The following CCDC60 variants were observed in gnomAD, a reference collection of about 807,000 sequenced individuals.
CCDC60 encodes coiled-coil domain-containing protein 60.
CCDC60 carries 54 observed loss-of-function variants against 63.5 expected under a neutral mutation model. The observed-to-expected ratio is 0.85, with a 90% CI of 0.68 to 1.07. The LOEUF (loss-of-function observed/expected upper bound fraction) is 1.07. Among genes scored for constraint, CCDC60 ranks in the 50% least tolerant of loss-of-function variants. CCDC60 has a pLI of 0.00. For missense variants in CCDC60, 651 were observed against 684.3 expected, an observed-to-expected ratio of 0.95 and a Z score of 0.54; for synonymous variants, 206 against 238.8, an observed-to-expected ratio of 0.86 and a Z score of 1.27.
At position 119,377,314 on chromosome 12, in the gene CCDC60, C is replaced by T. The variant is rs149403011; in HGVS notation, c.90+42048C>T. Among the ~76,000 whole-genome samples, 653 of 147,592 alleles carry T rather than the reference C, an allele frequency of 4.4e-3. 4 individuals carry two copies. Among genetic ancestry groups the T allele is most frequent in the African/African-American group, 0.015 (589 of 40,342 alleles). The stretch of plus-strand genomic sequence containing the variant: ...AGAAAGAAAAAATTCCAACCCAAGT[C>T]TCAAGAGACGGAGAAGTAAAATAAG... On this transcript the variant is annotated intron_variant, in intron 1 of 13. Transcript: ENST00000327554.
chr12:119,344,851 T>TCACACA (rs1284956237), intron 1 of CCDC60, among the ~76,000 whole-genome samples: 7 of 107,646 alleles, frequency 6.5e-5, no homozygotes, highest in Admixed American at 1.2e-4. Flanking sequence ...TCTCTCTCTC[T>TCACACA]CTCTCACACA....
At chr12:119,391,000 G>A (rs1393829184) in intron 1 of CCDC60, among the ~76,000 whole-genome samples, 2 of 152,212 alleles carry the variant, frequency 1.3e-5, no homozygotes, top group Non-Finnish European at 2.9e-5. Flanking sequence ...AGGATTTTGT[G>A]TGATGCCATT....
chr12:119,401,647 T>G (rs1051335799), intron 1 of CCDC60, among the ~76,000 whole-genome samples: 2 of 152,232 alleles, frequency 1.3e-5, no homozygotes, highest in Non-Finnish European at 2.9e-5. Context: ...TCAGATAGAT[T>G]TATCCACTTT....
chr12:119,371,356 T>C (rs536277431), intron 1 of CCDC60, among the ~76,000 whole-genome samples: 1 of 152,268 alleles, frequency 6.6e-6, no homozygotes, highest in South Asian at 2.1e-4. Flanking sequence ...ACTTCAGGGA[T>C]TTTTCTCCAG....
At chr12:119,502,366 C>A (rs1305846140) in intron 6 of CCDC60, among the ~76,000 whole-genome samples, 1 of 152,184 alleles carries the variant, frequency 6.6e-6, no homozygotes, top group Non-Finnish European at 1.5e-5. Flanking sequence ...GTGTAAGGAA[C>A]CTTTCAGCAA....
Position 119,523,785 on chromosome 12 carries a change from T to A in CCDC60, c.1196T>A (p.Phe399Tyr). Residue 399 changes from phenylalanine to tyrosine, a missense_variant, in exon 11 of 14, where the codon TTC (phenylalanine) becomes TAC (tyrosine). Coordinates refer to ENST00000327554, the MANE Select transcript of CCDC60 (RefSeq NM_178499.5). ...KFYSVAQEAGFCLQDKMEILM... is the reference protein window; with the variant it reads ...KFYSVAQEAGYCLQDKMEILM... ...TACAGCGTAGCCCAGGAGGCTGGCT[T>A]CTGCCTGCAGGACAAGATGGAAATC... 1 of 1,614,200 alleles carries A rather than the reference T, an allele frequency of 6.2e-7. No individual in the cohort carries two copies. The highest frequency in any genetic ancestry group is 8.5e-7 in the Non-Finnish European group (1 of 1,180,006).
At chr12:119,505,817 T>G (rs937996025) in intron 7 of CCDC60, among the ~76,000 whole-genome samples, 1 of 152,200 alleles carries the variant, frequency 6.6e-6, no homozygotes, top group African/African-American at 2.4e-5. Context: ...ATCATGCCAC[T>G]GCACTCCAGC....
In CCDC60 at chr12:119,530,999, T is replaced by G; in HGVS notation, c.1487T>G (p.Leu496Arg). Residue 496 changes from leucine (L) to arginine (R), a missense_variant, in exon 13 of 14, where the codon CTG becomes CGG. By Grantham distance (102) the Leu-to-Arg change is moderately radical. Transcript: ENST00000327554. ...LDLRIRPHVL[L>R]KVLQDLRIWE... is the part of the protein sequence containing the mutation. The stretch of plus-strand genomic sequence containing the variant: ...TTGCGGATTCGACCCCATGTCCTCC[T>G]GAAGGTGCTGCAGGATCTGAGGATT... 3 of 1,614,188 alleles carry G rather than the reference T, an allele frequency of 1.9e-6. No homozygotes were observed. The highest frequency in any genetic ancestry group is 2.5e-6 in the Non-Finnish European group (3 of 1,180,012).
intron 7 of CCDC60, among the ~76,000 whole-genome samples, chr12:119,513,569 TGGATAGA>T (rs1952271063): frequency 6.6e-6 from 1 of 152,204 alleles, no homozygotes; most frequent in Non-Finnish European, 1.5e-5. Flanking sequence ...CACTAGTCAT[TGGATAGA>T]GGGTTCATCA....
intron 1 of CCDC60, among the ~76,000 whole-genome samples, chr12:119,353,598 CTTTTTTTTTTTTTT>C (rs71072514): frequency 8.8e-5 from 6 of 68,204 alleles, no homozygotes; most frequent in Admixed American, 2.3e-4. Context: ...TCTTCTTCTT[CTTTTTTTTTTTTTT>C]TTTTTTTTTT....
intron 1 of CCDC60, among the ~76,000 whole-genome samples, chr12:119,371,407 G>A (rs1955896713): frequency 6.6e-6 from 1 of 152,202 alleles, no homozygotes; most frequent in African/African-American, 2.4e-5. Context: ...CCAAGGCCTG[G>A]ATAGAGCAGT....
chr12:119,517,871 G>C (rs1170613370), intron 8 of CCDC60, among the ~76,000 whole-genome samples: 2 of 152,176 alleles, frequency 1.3e-5, no homozygotes, highest in African/African-American at 4.8e-5. Context: ...ACCTCTAAAA[G>C]CCCCAGAGAG....
At chr12:119,497,684 G>C (rs892340080) in intron 5 of CCDC60, among the ~76,000 whole-genome samples, 4 of 152,028 alleles carry the variant, frequency 2.6e-5, no homozygotes, top group African/African-American at 9.7e-5. Context: ...TGGAGGCTCA[G>C]CAGGGGCTGC....
intron 8 of CCDC60, among the ~76,000 whole-genome samples, chr12:119,519,432 T>TGCGCGCAC (rs1423369088): frequency 1.5e-5 from 2 of 129,282 alleles, no homozygotes; most frequent in African/African-American, 6.1e-5. Flanking sequence ...TGTGTGTGTG[T>TGCGCGCAC]GTGCGCGTGT....
intron 3 of CCDC60, 41 bp downstream of exon 3, chr12:119,472,205 A>G (rs1194846340): frequency 3.8e-6 from 6 of 1,594,086 alleles, no homozygotes; most frequent in Admixed American, 1.7e-5. Context: ...GGTTTTGGGA[A>G]TGACCATTGA....
chr12:119,508,488 A>AG (rs1952117538), intron 7 of CCDC60, among the ~76,000 whole-genome samples: 1 of 152,166 alleles, frequency 6.6e-6, no homozygotes, highest in Non-Finnish European at 1.5e-5. Context: ...TCAAAAAAAA[A>AG]AAAGGAAGTT....
At chr12:119,511,408 G>A (rs1019531345) in intron 7 of CCDC60, among the ~76,000 whole-genome samples, 1 of 152,152 alleles carries the variant, frequency 6.6e-6, no homozygotes, top group Non-Finnish European at 1.5e-5. Flanking sequence ...TCAATGGCAG[G>A]GAGATTCCCA....
chr12:119,383,803 G>T (rs1389613610), intron 1 of CCDC60, among the ~76,000 whole-genome samples: 1 of 152,184 alleles, frequency 6.6e-6, no homozygotes, highest in Admixed American at 6.5e-5. Flanking sequence ...AGACCTTCAA[G>T]AGGGCATGTT....
At chr12:119,405,499 G>C (rs909262968) in intron 1 of CCDC60, among the ~76,000 whole-genome samples, 1 of 152,000 alleles carries the variant, frequency 6.6e-6, no homozygotes. Flanking sequence ...ACTCCAACTA[G>C]GGCTCTCAAA....
Sources: allele counts gnomAD v4.1 joint callset (sites outside exome capture counted in the v4.1 genomes callset), GRCh38; gene constraint gnomAD v4.1.1; transcripts MANE v1.5; gene names NCBI Gene and HGNC (gene_info 2026-07-23, HGNC 2026-07-21).